The following SUSD1 variants were observed in gnomAD, a reference collection of about 807,000 sequenced individuals.
The protein encoded by SUSD1 is sushi domain containing 1.
Under a neutral mutation model 86.9 loss-of-function variants are expected in SUSD1, and 65 were observed. The observed-to-expected ratio is 0.75, with a 90% CI of 0.61 to 0.92. SUSD1 has a LOEUF of 0.92. Ranked by LOEUF, SUSD1 falls within the 40% of genes least tolerant of loss-of-function variation. SUSD1 has a pLI of 0.00. For missense variants in SUSD1, 850 were observed against 929.7 expected (o/e 0.91, Z 1.11); for synonymous variants, 346 against 350.0 (o/e 0.99, Z 0.13).
intron 10 of SUSD1, among the ~76,000 whole-genome samples, chr9:112,084,093 CCTGA>C (rs796178372): frequency 2.0e-5 from 3 of 152,144 alleles, no homozygotes; most frequent in South Asian, 2.1e-4. Flanking sequence ...TTGGCAGCCA[CCTGA>C]CTGACTGTAT....
At chr9:112,174,159 C>T (rs1016736023) in intron 1 of SUSD1, among the ~76,000 whole-genome samples, 2 of 152,156 alleles carry the variant, frequency 1.3e-5, no homozygotes, top group African/African-American at 4.8e-5. Context: ...CTCCCCCGGG[C>T]CTGAATTCTG....
At chr9:112,170,718 G>C (rs919987708) in intron 1 of SUSD1, among the ~76,000 whole-genome samples, 1 of 128,428 alleles carries the variant, frequency 7.8e-6, no homozygotes, top group South Asian at 2.4e-4. Flanking sequence ...TATAGAGAGA[G>C]AGAGAGAGAG....
In SUSD1 at chr9:112,063,625, C is replaced by G. The variant is rs190020337; in HGVS notation, c.1754-592G>C. On this transcript the variant is annotated intron_variant, in intron 12 of 16. Coordinates refer to ENST00000374270, the MANE Select transcript of SUSD1 (RefSeq NM_022486.5). ...GCTCTCTGTCCTTATTTTCCCGCCC[C>G]CAGCAACAAGATTTCCCAAATAGGT... is the stretch of plus-strand genomic sequence containing the variant. Among the ~76,000 whole-genome samples the G allele has an allele frequency of 6.6e-5, 10 of 152,268 alleles. No individual in the cohort carries two copies. In the East Asian group the frequency reaches 1.7e-3, roughly 26 times the overall value.
In SUSD1 at chr9:112,149,260, A is replaced by T; in HGVS notation, c.357T>A (p.Asp119Glu). The stretch of plus-strand genomic sequence containing the variant: ...CTTGAGTACCTGTACAAAAGGTGCC[A>T]TCGTTGGGAATGAATGTCTTGTTGT... ...TNNNKTFIPN[D>E]GTFCTDIDEC... Residue 119 changes from aspartate (D) to glutamate (E), a missense_variant, in exon 3 of 17, where the codon GAT becomes GAA. By Grantham distance (45) the Asp-to-Glu change is conservative. Transcript: ENST00000374270. 1.9e-6 allele frequency: 3 copies of T among 1,614,192 alleles called. No individual in the cohort carries two copies. Among genetic ancestry groups the T allele is most frequent in the Non-Finnish European group, 2.5e-6 (3 of 1,180,032 alleles).
chr9:112,163,585 C>A lies in SUSD1; in HGVS notation c.104-5972G>T, dbSNP rs186715883. On this transcript the variant is annotated intron_variant, in intron 1 of 16. Coordinates refer to ENST00000374270, the MANE Select transcript of SUSD1 (RefSeq NM_022486.5). ...CTCAGGAGATCAAGGCTGCAGTGTG[C>A]TTTGATTGAGCCACTGCACTCCAGA... Among the ~76,000 whole-genome samples, 226 of 152,104 alleles carry A rather than the reference C, an allele frequency of 1.5e-3. 1 individual carries two copies. The highest frequency in any genetic ancestry group is 5.1e-3 in the African/African-American group (212 of 41,496).
intron 13 of SUSD1, among the ~76,000 whole-genome samples, chr9:112,061,043 G>C (rs141039731): frequency 2.6e-5 from 4 of 152,236 alleles, no homozygotes; most frequent in African/African-American, 9.6e-5. Context: ...CTACTGAATC[G>C]AAATCTCTAG....
At chr9:112,061,702 A>G (rs1589594371) in intron 13 of SUSD1, among the ~76,000 whole-genome samples, 1 of 152,354 alleles carries the variant, frequency 6.6e-6, no homozygotes, top group East Asian at 1.9e-4. Flanking sequence ...ATCTTTGCAC[A>G]TTTACTGAAC....
intron 2 of SUSD1, 116 bp downstream of exon 2, chr9:112,157,384 A>AT (rs1223501378): frequency 1.4e-6 from 1 of 701,412 alleles, no homozygotes; most frequent in African/African-American, 1.8e-5. Flanking sequence ...ACTTCTCATA[A>AT]TAAAAACATG....
intron 5 of SUSD1, among the ~76,000 whole-genome samples, chr9:112,140,348 G>A (rs142035069): frequency 2.5e-5 from 2 of 78,804 alleles, no homozygotes; most frequent in Non-Finnish European, 4.8e-5. Context: ...CGGCCTGGGC[G>A]ACAGAGCGAG....
intron 1 of SUSD1, among the ~76,000 whole-genome samples, chr9:112,167,138 C>A (rs1161690200): frequency 6.6e-6 from 1 of 151,586 alleles, no homozygotes; most frequent in Non-Finnish European, 1.5e-5. Context: ...CCTCTTTCAC[C>A]CAGGCTAGAG....
At position 112,138,253 on chromosome 9, in the gene SUSD1, A is replaced by ATG. The variant is rs1564328917; in HGVS notation, c.706+4066_706+4067insCA. On this transcript the variant is annotated intron_variant, in intron 5 of 16. Transcript: ENST00000374270. The stretch of plus-strand genomic sequence containing the variant: ...AAAAAATGTGTATATATATATATAT[A>ATG]TATGTGTATATACATATATATATAT... Among the ~76,000 whole-genome samples, 105 of 118,376 alleles carry ATG rather than the reference A, an allele frequency of 8.9e-4. 7 individuals carry two copies. Among genetic ancestry groups the ATG allele is most frequent in the African/African-American group, 3.6e-3 (103 of 28,752 alleles). The allele number at this position is 118,376 out of a possible 152,430, so 77.7% of individuals were successfully genotyped here.
At chr9:112,164,739 T>C (rs773280301) in intron 1 of SUSD1, among the ~76,000 whole-genome samples, 1 of 151,890 alleles carries the variant, frequency 6.6e-6, no homozygotes, top group Admixed American at 6.6e-5. Flanking sequence ...GGTCAAGAGA[T>C]TGAGATCATC....
At chr9:112,111,515 G>GT (rs1831095884) in intron 8 of SUSD1, 139 bp downstream of exon 8, 1 of 1,122,562 alleles carries the variant, frequency 8.9e-7, no homozygotes, top group South Asian at 1.6e-5. Flanking sequence ...CTCTAGTTCT[G>GT]TGGCTGGAGC....
chr9:112,151,376 C>T (rs1345945992), intron 2 of SUSD1, among the ~76,000 whole-genome samples: 3 of 151,996 alleles, frequency 2.0e-5, no homozygotes, highest in African/African-American at 2.4e-5. Context: ...GCAGGAGGAT[C>T]GCCTGAGGTC....
intron 6 of SUSD1, among the ~76,000 whole-genome samples, chr9:112,119,686 C>T (rs1024470725): frequency 3.9e-5 from 6 of 152,118 alleles, no homozygotes; most frequent in African/African-American, 9.7e-5. Context: ...TGAGGTAAAC[C>T]GACTCATTAA....
chr9:112,050,118 C>T (rs1200355019), intron 15 of SUSD1, among the ~76,000 whole-genome samples: 1 of 152,198 alleles, frequency 6.6e-6, no homozygotes, highest in Non-Finnish European at 1.5e-5. Flanking sequence ...CTCTTTTCCT[C>T]GTGAGAACGC....
intron 1 of SUSD1, among the ~76,000 whole-genome samples, chr9:112,159,395 C>G (rs1026299145): frequency 6.6e-6 from 1 of 152,118 alleles, no homozygotes; most frequent in African/African-American, 2.4e-5. Context: ...TGCTGTTCTG[C>G]GTGTTTTTTA....
intron 12 of SUSD1, 113 bp downstream of exon 12, chr9:112,078,425 C>G: frequency 2.9e-6 from 3 of 1,026,220 alleles, no homozygotes; most frequent in Non-Finnish European, 4.2e-6. Flanking sequence ...TCCTCCTCTC[C>G]CTGTTAAAGT....
At chr9:112,090,385 C>T (rs1830157708) in intron 10 of SUSD1, among the ~76,000 whole-genome samples, 2 of 152,190 alleles carry the variant, frequency 1.3e-5, no homozygotes, top group African/African-American at 4.8e-5. Context: ...CATAGAAAAG[C>T]CCCATACCCA....
Sources: allele counts gnomAD v4.1 joint callset (sites outside exome capture counted in the v4.1 genomes callset), GRCh38; gene constraint gnomAD v4.1.1; transcripts MANE v1.5; gene names NCBI Gene and HGNC (gene_info 2026-07-23, HGNC 2026-07-21).